Variants in SLC9A9 observed in about 807,000 individuals in gnomAD.
SLC9A9 encodes the protein solute carrier family 9 member A9, also known as sodium/hydrogen exchanger 9.
In SLC9A9, 62 loss-of-function variants were observed where a neutral mutation model predicts 77.8. The ratio of observed to expected loss-of-function variants is 0.80; its 90% CI spans 0.65 to 0.98. The LOEUF (loss-of-function observed/expected upper bound fraction) is 0.98, where lower values mean the gene tolerates loss of function less well. SLC9A9 is among the 50% of genes least tolerant of loss of function. SLC9A9 has a pLI of 0.00. For missense variants in SLC9A9, 775 were observed against 774.9 expected (o/e 1.00, Z 0.00); for synonymous variants, 320 against 283.5 (o/e 1.13, Z -1.29).
chr3:143,418,343 G>A (rs1010849397), intron 12 of SLC9A9, among the ~76,000 whole-genome samples: 1 of 152,050 alleles, frequency 6.6e-6, no homozygotes, highest in African/African-American at 2.4e-5. Flanking sequence ...GAAAGTTAAT[G>A]TATCTGTGGT....
At chr3:143,303,417 T>C (rs1287698593) in intron 14 of SLC9A9, among the ~76,000 whole-genome samples, 1 of 151,766 alleles carries the variant, frequency 6.6e-6, no homozygotes, top group Non-Finnish European at 1.5e-5. Flanking sequence ...CAAGGCCTCT[T>C]GGGGGCTGGA....
intron 9 of SLC9A9, among the ~76,000 whole-genome samples, chr3:143,535,379 T>C (rs1200573533): frequency 6.6e-6 from 1 of 152,242 alleles, no homozygotes; most frequent in Non-Finnish European, 1.5e-5. Context: ...AGTCAGGTCA[T>C]ATCTTTTTGC....
chr3:143,645,759 T>C (rs1020389133), intron 6 of SLC9A9, among the ~76,000 whole-genome samples: 2 of 152,104 alleles, frequency 1.3e-5, no homozygotes, highest in South Asian at 2.1e-4. Flanking sequence ...AAAGACAAAA[T>C]TGGTGCTCCA....
intron 14 of SLC9A9, among the ~76,000 whole-genome samples, chr3:143,353,369 C>T (rs1479347783): frequency 6.6e-6 from 1 of 152,158 alleles, no homozygotes; most frequent in African/African-American, 2.4e-5. Context: ...AATGCGAGTT[C>T]TGCCCTCATG....
At chr3:143,384,876 T>TA (rs1379504348) in intron 12 of SLC9A9, among the ~76,000 whole-genome samples, 3 of 152,274 alleles carry the variant, frequency 2.0e-5, no homozygotes, top group South Asian at 2.1e-4. Context: ...GAGGATAATA[T>TA]AAAAAATGTA....
chr3:143,818,994 A>C (rs1398298604), intron 2 of SLC9A9, among the ~76,000 whole-genome samples: 1 of 152,142 alleles, frequency 6.6e-6, no homozygotes, highest in Non-Finnish European at 1.5e-5. Context: ...GAGGTAGGGA[A>C]TCGCTTGAAC....
chr3:143,628,365 C>T (rs1214514535), intron 6 of SLC9A9, among the ~76,000 whole-genome samples: 4 of 152,186 alleles, frequency 2.6e-5, no homozygotes, highest in Non-Finnish European at 5.9e-5. Flanking sequence ...AGGTCACTTA[C>T]ATTCTCCTAC....
intron 6 of SLC9A9, among the ~76,000 whole-genome samples, chr3:143,589,856 T>C (rs1242138332): frequency 6.6e-6 from 1 of 152,160 alleles, no homozygotes; most frequent in African/African-American, 2.4e-5. Context: ...CGGAATGTGC[T>C]CACAGAGAAA....
At chr3:143,795,152 T>A in intron 3 of SLC9A9, 75 bp from the exon 4 acceptor site, 1 of 1,396,912 alleles carries the variant, frequency 7.2e-7, no homozygotes, top group Non-Finnish European at 9.9e-7. Context: ...AAAATAAATG[T>A]ATGCAGTTCA....
intron 5 of SLC9A9, among the ~76,000 whole-genome samples, chr3:143,668,704 TG>T (rs1490452040): frequency 6.6e-6 from 1 of 152,184 alleles, no homozygotes; most frequent in East Asian, 1.9e-4. Flanking sequence ...AATTAACAAG[TG>T]AATGAATCTC....
chr3:143,371,146 G>A (rs1397696957), intron 13 of SLC9A9, among the ~76,000 whole-genome samples: 1 of 152,080 alleles, frequency 6.6e-6, no homozygotes, highest in East Asian at 1.9e-4. Flanking sequence ...CACAGGTTGA[G>A]GTTCACAAAG....
intron 4 of SLC9A9, among the ~76,000 whole-genome samples, chr3:143,794,788 C>A (rs1215972285): frequency 6.6e-6 from 1 of 152,194 alleles, no homozygotes; most frequent in Non-Finnish European, 1.5e-5. Flanking sequence ...CCAGAACTCA[C>A]AGAGAAAGTC....
At chr3:143,363,648 TA>T (rs2032817687) in intron 13 of SLC9A9, 85 bp from the exon 14 acceptor site, 4 of 1,237,150 alleles carry the variant, frequency 3.2e-6, no homozygotes, top group African/African-American at 1.5e-5. Context: ...AAGTTAAATT[TA>T]ACTACATTTA....
intron 8 of SLC9A9, among the ~76,000 whole-genome samples, chr3:143,565,683 G>C (rs562444811): frequency 6.6e-6 from 1 of 151,718 alleles, no homozygotes; most frequent in South Asian, 2.1e-4. Flanking sequence ...TCTGCAGCTT[G>C]AACGCCTAAT....
chr3:143,407,108 C>T (rs2033998167), intron 12 of SLC9A9, among the ~76,000 whole-genome samples: 1 of 151,828 alleles, frequency 6.6e-6, no homozygotes, highest in South Asian at 2.1e-4. Context: ...TTTATTATGT[C>T]GCCTAAAGTA....
rs111655627 is a variant in SLC9A9, at chr3:143,573,227, C to A, written c.1000+861G>T. Among the ~76,000 whole-genome samples the A allele has an allele frequency of 3.9e-5, 6 of 152,112 alleles. 1 individual carries two copies. The highest frequency in any genetic ancestry group is 1.4e-4 in the African/African-American group (6 of 41,500). On this transcript the variant is annotated intron_variant, in intron 8 of 15. Coordinates refer to ENST00000316549, the MANE Select transcript of SLC9A9 (RefSeq NM_173653.4). ...AGTATCACCTATTAAAATGCAAACA[C>A]CGAGGGAGGTATACCTTGCTACCAG...
intron 2 of SLC9A9, among the ~76,000 whole-genome samples, chr3:143,817,309 C>T (rs867591831): frequency 2.5e-4 from 37 of 150,646 alleles, no homozygotes; most frequent in South Asian, 1.1e-3. Flanking sequence ...CCACCGCGCC[C>T]GGCTAATTTT....
At chr3:143,463,356 A>T (rs73867652) in intron 12 of SLC9A9, among the ~76,000 whole-genome samples, 32 of 152,330 alleles carry the variant, frequency 2.1e-4, no homozygotes, top group African/African-American at 7.0e-4. Flanking sequence ...CTAAGCCAAG[A>T]ATGGGGTTAC....
At chr3:143,378,503 C>T (rs2033232158) in intron 13 of SLC9A9, among the ~76,000 whole-genome samples, 1 of 152,142 alleles carries the variant, frequency 6.6e-6, no homozygotes. Context: ...AGAATAATAG[C>T]TAGTGCCCAA....
Sources: allele counts gnomAD v4.1 joint callset (sites outside exome capture counted in the v4.1 genomes callset), GRCh38; gene constraint gnomAD v4.1.1; transcripts MANE v1.5; gene names NCBI Gene and HGNC (gene_info 2026-07-23, HGNC 2026-07-21).